Variants in LAMC3 observed in about 807,000 individuals in gnomAD.
The protein encoded by LAMC3 is laminin subunit gamma-3.
In LAMC3, 128 loss-of-function variants were observed where a neutral mutation model predicts 173.8. The observed-to-expected ratio is 0.74, with a 90% CI of 0.64 to 0.85. The LOEUF is 0.85. LAMC3 is among the 40% of genes least tolerant of loss of function. The pLI is 0.00. For synonymous variants in LAMC3, 897 were observed against 909.1 expected, an observed-to-expected ratio of 0.99 and a Z score of 0.24; for missense variants, 2,022 against 2,156.0, an observed-to-expected ratio of 0.94 and a Z score of 1.23.
intron 7 of LAMC3, among the ~76,000 whole-genome samples, chr9:131,044,357 A>C (rs1834109773): frequency 6.6e-6 from 1 of 151,992 alleles, no homozygotes; most frequent in Non-Finnish European, 1.5e-5. Context: ...TAAAAATACA[A>C]AAATTAGCCG....
chr9:131,029,702 C>T lies in LAMC3; in HGVS notation c.679-2343C>T, dbSNP rs1027861164. ...TGCTGGGTCTTGGGTCCCTCTGACC[C>T]CCAAGGAAGGGCCTAGGACTTTGGA... On this transcript the variant is annotated intron_variant, in intron 2 of 27. Coordinates refer to ENST00000361069, the MANE Select transcript of LAMC3 (RefSeq NM_006059.4). This position sits in a 1 kb window ranked among gnomAD's most constrained non-coding sequence, Gnocchi z 4.6. Among the ~76,000 whole-genome samples, 1 of 152,134 alleles carries T rather than the reference C, an allele frequency of 6.6e-6. No individual in the cohort carries two copies. The highest frequency in any genetic ancestry group is 1.5e-5 in the Non-Finnish European group (1 of 68,024).
intron 6 of LAMC3, among the ~76,000 whole-genome samples, chr9:131,041,421 C>G (rs533996853): frequency 6.7e-6 from 1 of 149,006 alleles, no homozygotes; most frequent in Non-Finnish European, 1.5e-5. Context: ...ATGGAAGGAT[C>G]CTGGATGGAT....
chr9:131,060,955 C>T, intron 12 of LAMC3, 80 bp from the exon 13 acceptor site: 2 of 1,445,692 alleles, frequency 1.4e-6, no homozygotes, highest in Non-Finnish European at 1.9e-6. Flanking sequence ...CCGGGATGTG[C>T]TCCCTAACCT....
In LAMC3 at chr9:131,038,930, A is replaced by G. The variant is rs777938628; in HGVS notation, c.1043A>G (p.His348Arg). 8.7e-6 allele frequency: 14 copies of G among 1,613,126 alleles called. No homozygotes were observed. The East Asian group carries it at 3.1e-4, about 36-fold the overall frequency. The change falls in exon 5 of 28, where the codon CAC (histidine) becomes CGC (arginine). Residue 348 changes from histidine to arginine, a missense_variant. Coordinates refer to ENST00000361069, the MANE Select transcript of LAMC3 (RefSeq NM_006059.4). ...FDRELFRSTG[H>R]GGRCHHCRDH... ...CGGGAGCTCTTCCGCAGCACAGGCC[A>G]CGGCGGGCGCTGTCACCACTGCCGT...
rs774498189 is a variant in LAMC3 at position 131,082,166 on chromosome 9, G to A, written c.4030+5G>A. 7.7e-5 allele frequency: 124 copies of A among 1,605,788 alleles called. No homozygotes were observed. Among genetic ancestry groups the A allele is most frequent in the Non-Finnish European group, 1.0e-4 (119 of 1,173,464 alleles). On this transcript the variant is annotated splice_donor_5th_base_variant and intron_variant, in intron 24 of 27. Coordinates refer to ENST00000361069, the MANE Select transcript of LAMC3 (RefSeq NM_006059.4). Reference sequence around the variant, plus strand: ...CTCTGCTGGCTGATCTGGAAGGTACGTGAGTCCAGCTGACCACTAGGCTGT... The same window carrying A: ...CTCTGCTGGCTGATCTGGAAGGTACATGAGTCCAGCTGACCACTAGGCTGT...
In LAMC3 at chr9:131,038,845, T is replaced by C. The variant is rs780855440; in HGVS notation, c.977-19T>C. 3 of 1,612,070 alleles carry C rather than the reference T, an allele frequency of 1.9e-6. No individual in the cohort carries two copies. Among genetic ancestry groups the C allele is most frequent in the Non-Finnish European group, 2.5e-6 (3 of 1,179,850 alleles). ...ACATCACAGGGGACTCACACACCTT[T>C]CCCCACTCCTGCCCATAGCCTGCAA... On this transcript the variant is annotated intron_variant, in intron 4 of 27. Coordinates refer to ENST00000361069, the MANE Select transcript of LAMC3 (RefSeq NM_006059.4).
chr9:131,012,592 CCT>C (rs1388798571), intron 1 of LAMC3, among the ~76,000 whole-genome samples: 4 of 152,362 alleles, frequency 2.6e-5, no homozygotes, highest in African/African-American at 9.6e-5. Flanking sequence ...CCAGATTTGG[CCT>C]CTTTTTGGTT....
In LAMC3 at chr9:131,057,561, A is replaced by G. The variant is rs2133292004; in HGVS notation, c.2158+414A>G. ...GGCAGGTGACAGCAGGAGGGTTCTC[A>G]AGAAGGTCACACAGGTGACAGCAGC... On this transcript the variant is annotated intron_variant, in intron 12 of 27. Coordinates refer to ENST00000361069, the MANE Select transcript of LAMC3 (RefSeq NM_006059.4). Among the ~76,000 whole-genome samples, 4 of 152,296 alleles carry G rather than the reference A, an allele frequency of 2.6e-5. No individual in the cohort carries two copies. The Middle Eastern group carries it at 0.01, about 389-fold the overall frequency.
chr9:131,091,905 T>A lies in LAMC3; in HGVS notation c.*118T>A. ...TTCCCCGGAGCCGGCTGCTGTGAAC[T>A]CGCCCCCGTGTGGATAGTCACTCCC... On this transcript the variant is annotated 3_prime_UTR_variant, in exon 28 of 28. Transcript: ENST00000361069. 8.0e-7 allele frequency: 1 copy of A among 1,249,572 alleles called. No homozygotes were observed. Among genetic ancestry groups the A allele is most frequent in the Non-Finnish European group, 1.1e-6 (1 of 916,806 alleles). The allele number at this position is 1,249,572 out of a possible 1,614,324, so 77.4% of individuals were successfully genotyped here.
At position 131,072,790 on chromosome 9, in the gene LAMC3, C is replaced by T. The variant is rs774539702; in HGVS notation, c.3372C>T (p.Ser1124=). 49 of 1,613,238 alleles carry T rather than the reference C, an allele frequency of 3.0e-5. No individual in the cohort carries two copies. Among genetic ancestry groups the T allele is most frequent in the Non-Finnish European group, 4.0e-5 (47 of 1,179,782 alleles). ...QLADLEAVLE[S]SEEEILHAAA... ...CAGACCTGGAGGCAGTGCTGGAGTC[C>T]TCGGAAGAGGAGATTCTGCATGCAG... The change falls in exon 19 of 28, where the codon TCC becomes TCT. Residue 1124 remains serine (S), a synonymous_variant. Coordinates refer to ENST00000361069, the MANE Select transcript of LAMC3 (RefSeq NM_006059.4).
intron 13 of LAMC3, among the ~76,000 whole-genome samples, chr9:131,065,891 A>T (rs767450465): frequency 6.7e-6 from 1 of 149,606 alleles, no homozygotes; most frequent in Non-Finnish European, 1.5e-5. Context: ...TTAGTGGTCA[A>T]GATGATGATG....
chr9:131,017,570 A>G (rs924873025), intron 1 of LAMC3, among the ~76,000 whole-genome samples: 1 of 148,790 alleles, frequency 6.7e-6, no homozygotes, highest in Non-Finnish European at 1.5e-5. Context: ...ATTAAAAAAA[A>G]AAAAAATTAA....
intron 20 of LAMC3, among the ~76,000 whole-genome samples, chr9:131,074,705 A>G (rs1057189646): frequency 2.6e-5 from 4 of 151,842 alleles, no homozygotes; most frequent in Non-Finnish European, 4.4e-5. Flanking sequence ...CAAAGAAAAA[A>G]AAAAAAAAAA....
At chr9:131,022,169 C>A (rs1430285623) in intron 1 of LAMC3, among the ~76,000 whole-genome samples, 1 of 150,780 alleles carries the variant, frequency 6.6e-6, no homozygotes, top group Non-Finnish European at 1.5e-5. Context: ...TAATGAAAGA[C>A]CGTAAGGAGG....
At chr9:131,048,097 C>T (rs1158545000) in intron 8 of LAMC3, among the ~76,000 whole-genome samples, 16 of 125,644 alleles carry the variant, frequency 1.3e-4, no homozygotes, top group African/African-American at 4.9e-4. Context: ...TGCTCTGTCA[C>T]CCAGGCTGGA....
intron 8 of LAMC3, among the ~76,000 whole-genome samples, chr9:131,048,309 G>A (rs917112656): frequency 2.0e-5 from 3 of 152,026 alleles, no homozygotes; most frequent in Admixed American, 6.6e-5. Context: ...CACCCACCTC[G>A]GCCTCTCAGA....
intron 3 of LAMC3, 31 bp from the exon 4 acceptor site, chr9:131,036,135 G>C (rs1175459804): frequency 1.2e-6 from 2 of 1,612,354 alleles, no homozygotes; most frequent in Non-Finnish European, 1.7e-6. Flanking sequence ...GGCACCTGCG[G>C]GTCCCCTTCC....
chr9:131,013,351 C>T (rs1269587656), intron 1 of LAMC3, among the ~76,000 whole-genome samples: 1 of 152,158 alleles, frequency 6.6e-6, no homozygotes, highest in Non-Finnish European at 1.5e-5. Context: ...TCCCGGCTTG[C>T]ACTTGGATCG....
chr9:131,056,891 G>A, intron 11 of LAMC3, 38 bp from the exon 12 acceptor site: 5 of 1,543,222 alleles, frequency 3.2e-6, no homozygotes, highest in Non-Finnish European at 4.5e-6. Flanking sequence ...CAGGGAGCTT[G>A]TGCCTCCTCT....
Sources: gnomAD v4.1 joint callset for allele counts (sites outside exome capture counted in the v4.1 genomes callset) on GRCh38, gnomAD v4.1.1 for gene constraint, Gnocchi (gnomAD v3.1) non-coding constraint, MANE v1.5 for transcripts, NCBI Gene and HGNC (gene_info 2026-07-23, HGNC 2026-07-21) for gene names.